ZBTB24: variants seen among roughly 807,000 people sequenced by gnomAD.
ZBTB24 encodes zinc finger and BTB domain-containing protein 24.
A neutral mutation model predicts 53.8 loss-of-function variants in ZBTB24; 32 were observed. The ratio of observed to expected loss-of-function variants is 0.60; its 90% CI spans 0.45 to 0.80. The LOEUF (loss-of-function observed/expected upper bound fraction) is 0.80, where lower values mean the gene tolerates loss of function less well. ZBTB24 is among the 30% of genes least tolerant of loss of function. The pLI is 0.00. For synonymous variants in ZBTB24, 297 were observed against 306.7 expected, an observed-to-expected ratio of 0.97 and a Z score of 0.33; for missense variants, 722 against 837.1, an observed-to-expected ratio of 0.86 and a Z score of 1.70.
chr6:109,466,216 T>A lies in ZBTB24; in HGVS notation c.1729A>T (p.Thr577Ser). The A allele has an allele frequency of 6.2e-7, 1 of 1,614,236 alleles. No homozygotes were observed. Among genetic ancestry groups the A allele is most frequent in the Non-Finnish European group, 8.5e-7 (1 of 1,180,040 alleles). Residue 577 changes from threonine (T) to serine (S), a missense_variant, in exon 7 of 7, where the codon ACT (threonine) becomes TCT (serine). Transcript: ENST00000230122. ...PGPSQGISIV[T>S]AESSQNMTAD... ...GTCATGTTTTGGGAACTCTCTGCAG[T>A]CACAATGCTGATTCCCTGGCTAGGA...
chr6:109,476,397 G>A, intron 3 of ZBTB24, 139 bp from the exon 4 acceptor site: 1 of 842,904 alleles, frequency 1.2e-6, no homozygotes. Flanking sequence ...ATACCCAGAA[G>A]CCTTCAATCT....
Position 109,481,588 on chromosome 6 carries a change from C to A in ZBTB24, c.439G>T (p.Val147Leu), listed in dbSNP as rs766594494. Reference protein sequence around the residue: ...PTTLNTAGAPVVVISNKKNDP... With the variant: ...PTTLNTAGAPLVVISNKKNDP... ...TTTTTCTTATTAGAGATAACAACCA[C>A]TGGGGCACCAGCAGTGTTCAAAGTT... Residue 147 changes from valine (V) to leucine (L), a missense_variant, in exon 2 of 7, where the codon GTG becomes TTG. By Grantham distance (32) the Val-to-Leu change is conservative (BLOSUM62 1). Coordinates refer to ENST00000230122, the MANE Select transcript of ZBTB24 (RefSeq NM_014797.3). The A allele has an allele frequency of 5.6e-6, 9 of 1,614,094 alleles. No individual in the cohort carries two copies. The highest frequency in any genetic ancestry group is 6.8e-6 in the Non-Finnish European group (8 of 1,180,054).
chr6:109,471,819 G>A (rs1776171750), intron 5 of ZBTB24, among the ~76,000 whole-genome samples: 1 of 152,134 alleles, frequency 6.6e-6, no homozygotes, highest in African/African-American at 2.4e-5. Flanking sequence ...GAACTCATTT[G>A]GCTTGATTGG....
intron 5 of ZBTB24, among the ~76,000 whole-genome samples, chr6:109,474,652 T>C (rs1426256773): frequency 2.0e-5 from 3 of 151,246 alleles, no homozygotes; most frequent in Non-Finnish European, 2.9e-5. Flanking sequence ...GAGAATCACT[T>C]GAACCCGGGA....
chr6:109,481,818 C>T lies in ZBTB24; in HGVS notation c.209G>A (p.Gly70Glu), dbSNP rs760821873. ...CATATAAATGGATTGGCCGATTTCC[C>T]CCTCTTCTGCAAACATCATTGAGAA... ...EYFSMMFAEEGEIGQSIYMLE... is the reference protein window; with the variant it reads ...EYFSMMFAEEEEIGQSIYMLE... Residue 70 changes from glycine to glutamate, a missense_variant, in exon 2 of 7, where the codon GGG becomes GAG. Gly to Glu is a moderately conservative substitution (Grantham distance 98). Coordinates refer to ENST00000230122, the MANE Select transcript of ZBTB24 (RefSeq NM_014797.3). 3 of 1,614,230 alleles carry T rather than the reference C, an allele frequency of 1.9e-6. No homozygotes were observed. Among genetic ancestry groups the T allele is most frequent in the Non-Finnish European group, 2.5e-6 (3 of 1,180,040 alleles).
At position 109,481,265 on chromosome 6, in the gene ZBTB24, G is replaced by C; in HGVS notation, c.762C>G (p.Ser254Arg). The C allele has an allele frequency of 6.2e-7, 1 of 1,614,174 alleles. No individual in the cohort carries two copies. ...TGACGGATCTCCAAATCCTCCGCTTGCTGTATCGACTCTGGCTTGCCTGGC... is the reference window on the plus strand; with the variant it reads ...TGACGGATCTCCAAATCCTCCGCTTCCTGTATCGACTCTGGCTTGCCTGGC... ...EDGQASQSRY[S>R]KRRIWRSVKL... The change falls in exon 2 of 7, where the codon AGC becomes AGG. Residue 254 changes from serine (S) to arginine (R), a missense_variant. Transcript: ENST00000230122.
chr6:109,475,272 A>T, intron 5 of ZBTB24, 127 bp downstream of exon 5: 1 of 1,135,102 alleles, frequency 8.8e-7, no homozygotes, highest in Non-Finnish European at 1.3e-6. Context: ...ATCTTCTTAC[A>T]CAACTCCCAT....
intron 4 of ZBTB24, among the ~76,000 whole-genome samples, chr6:109,475,765 C>T (rs536068135): frequency 3.9e-5 from 6 of 152,260 alleles, no homozygotes; most frequent in East Asian, 1.9e-4. Context: ...AAATGACACT[C>T]GTAACCCACA....
At chr6:109,471,761 T>G (rs1562301220) in intron 5 of ZBTB24, among the ~76,000 whole-genome samples, 2 of 152,126 alleles carry the variant, frequency 1.3e-5, no homozygotes. Flanking sequence ...AACAGAAAGG[T>G]GTAATCCCTC....
Position 109,476,261 on chromosome 6 carries a change from G to A in ZBTB24, c.1121-3C>T, listed in dbSNP as rs1776276391. On this transcript the variant is annotated splice_region_variant and splice_polypyrimidine_tract_variant and intron_variant, in intron 3 of 6. Transcript: ENST00000230122. The stretch of plus-strand genomic sequence containing the variant: ...ATCACAGGTAAAAGACTTCTGTCCT[G>A]CCAAAAAAACCAAAACACTAAAACA... 6.2e-7 allele frequency: 1 copy of A among 1,613,890 alleles called. No homozygotes were observed.
Position 109,465,889 on chromosome 6 carries a change from C to T in ZBTB24, c.2056G>A (p.Val686Met), listed in dbSNP as rs373326176. The change falls in exon 7 of 7, where the codon GTG becomes ATG. Residue 686 changes from valine (V) to methionine (M), a missense_variant. Val to Met is a conservative substitution (Grantham distance 21, BLOSUM62 1). Transcript: ENST00000230122. ...TGGCCAAGTGGCGTTGGCTGGGGCA[C>T]GTGGTGAGTGGGTGGTGGCGGACCA... ...EPGPPPPTHH[V>M]PQPTPLGQEQ... is the part of the protein sequence containing the mutation. 1.6e-5 allele frequency: 26 copies of T among 1,614,170 alleles called. No individual in the cohort carries two copies. Among genetic ancestry groups the T allele is most frequent in the Admixed American group, 1.5e-4 (9 of 60,014 alleles).
rs750596422 is a variant in ZBTB24, at chr6:109,466,036, C to T, written c.1909G>A (p.Val637Met). The T allele has an allele frequency of 5.6e-6, 9 of 1,614,070 alleles. No homozygotes were observed. Among genetic ancestry groups the T allele is most frequent in the Admixed American group, 5.0e-5 (3 of 60,012 alleles). ...AGTGTTTCCTTGGACAGAGTGATCA[C>T]GTGCACTGGCTCTGTTTGTGAGGGC... Reference protein sequence around the residue: ...MGPSQTEPVHVITLSKETLEH... With the variant: ...MGPSQTEPVHMITLSKETLEH... Residue 637 changes from valine (V) to methionine (M), a missense_variant, in exon 7 of 7, where the codon GTG becomes ATG. Physicochemically the swap from Val to Met is conservative, Grantham distance 21. Transcript: ENST00000230122.
At chr6:109,482,556 A>T (rs1776449287) in intron 1 of ZBTB24, among the ~76,000 whole-genome samples, 1 of 150,236 alleles carries the variant, frequency 6.7e-6, no homozygotes. Flanking sequence ...GCAGTGGCGC[A>T]ATCTCGGCTC....
chr6:109,477,012 G>C, intron 2 of ZBTB24, 82 bp from the exon 3 acceptor site: 3 of 1,543,864 alleles, frequency 1.9e-6, no homozygotes, highest in Non-Finnish European at 2.6e-6. Context: ...AAACAATAAA[G>C]GATTTTTCTT....
At chr6:109,476,997 TA>T in intron 2 of ZBTB24, 67 bp from the exon 3 acceptor site, 1 of 1,570,220 alleles carries the variant, frequency 6.4e-7, no homozygotes, top group South Asian at 1.2e-5. Flanking sequence ...TCTCCCAAAT[TA>T]AAAAAACAAT....
At chr6:109,474,688 C>T (rs549973473) in intron 5 of ZBTB24, among the ~76,000 whole-genome samples, 72 of 151,074 alleles carry the variant, frequency 4.8e-4, no homozygotes, top group African/African-American at 1.7e-3. Context: ...GAGCCAAGAT[C>T]GTGCCACTGC....
At chr6:109,479,078 TAGAG>T (rs964870579) in intron 2 of ZBTB24, among the ~76,000 whole-genome samples, 2 of 151,912 alleles carry the variant, frequency 1.3e-5, no homozygotes, top group Non-Finnish European at 2.9e-5. Flanking sequence ...AAAATAAAGT[TAGAG>T]AGAACAGAGA....
At chr6:109,466,996 A>G (rs1468534176) in intron 6 of ZBTB24, among the ~76,000 whole-genome samples, 1 of 152,222 alleles carries the variant, frequency 6.6e-6, no homozygotes, top group Non-Finnish European at 1.5e-5. Flanking sequence ...TCCTCTAATT[A>G]TTTGTGATGC....
chr6:109,473,949 C>T (rs9386807), intron 5 of ZBTB24, among the ~76,000 whole-genome samples: 4,868 of 151,640 alleles, frequency 0.032, 147 homozygotes, highest in East Asian at 0.14. Context: ...ATTAGCCAGG[C>T]GTGGTGGTGC....
Sources: allele counts gnomAD v4.1 joint callset (sites outside exome capture counted in the v4.1 genomes callset), GRCh38; gene constraint gnomAD v4.1.1; transcripts MANE v1.5; gene names NCBI Gene and HGNC (gene_info 2026-07-23, HGNC 2026-07-21).